The following CTNNA2 variants were observed in gnomAD, a reference collection of about 807,000 sequenced individuals.
CTNNA2 encodes catenin alpha 2, also known as catenin alpha-2.
A neutral mutation model predicts 101.0 loss-of-function variants in CTNNA2; 42 were observed. The observed-to-expected ratio is 0.42, with a 90% confidence interval of 0.32 to 0.54. CTNNA2 has a LOEUF of 0.54. Among genes scored for constraint, CTNNA2 ranks in the 20% least tolerant of loss-of-function variants. CTNNA2 has a pLI of 0.14. For synonymous variants in CTNNA2, 450 were observed against 456.4 expected (o/e 0.99, Z 0.18); for missense variants, 871 against 1,223.1 (o/e 0.71, Z 4.29).
chr2:80,166,530 A>G (rs1275706773), intron 7 of CTNNA2, among the ~76,000 whole-genome samples: 1 of 152,146 alleles, frequency 6.6e-6, no homozygotes, highest in African/African-American at 2.4e-5. Flanking sequence ...CCCATACCTT[A>G]GCTTATTCAT....
At chr2:79,792,148 G>A (rs1328944209) in intron 3 of CTNNA2, among the ~76,000 whole-genome samples, 1 of 152,102 alleles carries the variant, frequency 6.6e-6, no homozygotes, top group Admixed American at 6.5e-5. Context: ...TGACTGGTAT[G>A]TTCTCTGCTT....
At chr2:79,818,824 TATA>T (rs1558549144) in intron 3 of CTNNA2, among the ~76,000 whole-genome samples, 2,481 of 117,614 alleles carry the variant, frequency 0.021, 317 homozygotes, top group African/African-American at 0.072. Context: ...AATGCAATTA[TATA>T]TATATATATA....
chr2:79,808,297 G>C (rs1282480143), intron 3 of CTNNA2, among the ~76,000 whole-genome samples: 2 of 152,176 alleles, frequency 1.3e-5, no homozygotes, highest in African/African-American at 4.8e-5. Flanking sequence ...CTACTGGGTA[G>C]TGAGGGCCTT....
At chr2:79,783,132 T>C (rs1674581290) in intron 3 of CTNNA2, among the ~76,000 whole-genome samples, 1 of 152,222 alleles carries the variant, frequency 6.6e-6, no homozygotes, top group Non-Finnish European at 1.5e-5. Context: ...CTGTGCATGC[T>C]GATGGAGGTT....
chr2:79,263,296 C>T (rs557277522), intron 2 of CTNNA2, among the ~76,000 whole-genome samples: 2 of 152,248 alleles, frequency 1.3e-5, no homozygotes, highest in East Asian at 3.9e-4. Context: ...TGGCTTGGTG[C>T]TGTCCTCACA....
intron 4 of CTNNA2, among the ~76,000 whole-genome samples, chr2:79,458,514 T>G (rs1670847922): frequency 6.6e-6 from 1 of 152,164 alleles, no homozygotes; most frequent in Admixed American, 6.6e-5. Context: ...AACAAAATTC[T>G]TCCACTCACT....
intron 2 of CTNNA2, among the ~76,000 whole-genome samples, chr2:79,239,154 C>A (rs1252159040): frequency 6.6e-6 from 1 of 151,920 alleles, no homozygotes; most frequent in Non-Finnish European, 1.5e-5. Context: ...CTCATATAGC[C>A]AAGACAATTC....
At chr2:80,032,537 A>C (rs1695358145) in intron 7 of CTNNA2, among the ~76,000 whole-genome samples, 1 of 152,184 alleles carries the variant, frequency 6.6e-6, no homozygotes, top group South Asian at 2.1e-4. Context: ...ACACACACAC[A>C]CTCAAAATAA....
intron 3 of CTNNA2, among the ~76,000 whole-genome samples, chr2:79,335,026 C>T (rs1676963608): frequency 6.6e-6 from 1 of 152,154 alleles, no homozygotes; most frequent in Non-Finnish European, 1.5e-5. Context: ...CAACCCACAC[C>T]CATTCAGGAA....
At chr2:80,476,234 G>A (rs1685719068) in intron 9 of CTNNA2, among the ~76,000 whole-genome samples, 1 of 152,230 alleles carries the variant, frequency 6.6e-6, no homozygotes, top group African/African-American at 2.4e-5. Context: ...TCGGGCTGGA[G>A]CTTTTTGGCT....
chr2:79,720,616 T>C (rs1686417759), intron 2 of CTNNA2, among the ~76,000 whole-genome samples: 1 of 152,084 alleles, frequency 6.6e-6, no homozygotes, highest in Admixed American at 6.6e-5. Flanking sequence ...TCTTGGTTAG[T>C]TGTATTTTCA....
At chr2:79,959,323 T>C (rs1301011306) in intron 7 of CTNNA2, among the ~76,000 whole-genome samples, 2 of 152,196 alleles carry the variant, frequency 1.3e-5, no homozygotes, top group Admixed American at 1.3e-4. Flanking sequence ...CTATCAAAAA[T>C]TGATATCAGA....
At chr2:80,644,212 C>T (rs1021314815) in intron 18 of CTNNA2, among the ~76,000 whole-genome samples, 1 of 152,072 alleles carries the variant, frequency 6.6e-6, no homozygotes, top group Non-Finnish European at 1.5e-5. Context: ...GCTTCAACTT[C>T]CTCACTTATT....
At chr2:80,618,564 G>C (rs1265839728) in intron 17 of CTNNA2, 2 of 151,906 alleles carry the variant, frequency 1.3e-5, no homozygotes, top group East Asian at 3.9e-4. Context: ...TAGTCCTTCA[G>C]TGATCCCAAT....
At chr2:79,477,168 C>CTTTTTTTTTT (rs5832392) in intron 4 of CTNNA2, among the ~76,000 whole-genome samples, 91 of 123,140 alleles carry the variant, frequency 7.4e-4, no homozygotes, top group Non-Finnish European at 9.7e-4. Flanking sequence ...TCTTTTTTTT[C>CTTTTTTTTTT]TTTTTTTTTT....
At chr2:79,515,531 A>G (rs1188479020) in intron 1 of CTNNA2, among the ~76,000 whole-genome samples, 1 of 152,196 alleles carries the variant, frequency 6.6e-6, no homozygotes, top group African/African-American at 2.4e-5. Flanking sequence ...TGTGCTTAGT[A>G]TAGAAACACA....
chr2:79,801,152 T>A (rs188149983), intron 3 of CTNNA2, among the ~76,000 whole-genome samples: 1 of 152,294 alleles, frequency 6.6e-6, no homozygotes, highest in East Asian at 1.9e-4. Flanking sequence ...TGAATTGTTT[T>A]CAAAAACGTT....
chr2:79,457,462 A>T (rs918102407), intron 4 of CTNNA2, among the ~76,000 whole-genome samples: 3 of 152,220 alleles, frequency 2.0e-5, no homozygotes, highest in African/African-American at 7.2e-5. Context: ...ACATGAAAGG[A>T]AAATGATTAT....
intron 1 of CTNNA2, among the ~76,000 whole-genome samples, chr2:79,519,301 T>C (rs990207396): frequency 2.8e-4 from 43 of 151,978 alleles, no homozygotes; most frequent in African/African-American, 1.0e-3. Flanking sequence ...ACTGCACTTA[T>C]GCCTTTCATG....
Sources: gnomAD v4.1 joint callset for allele counts (sites outside exome capture counted in the v4.1 genomes callset) on GRCh38, gnomAD v4.1.1 for gene constraint, MANE v1.5 for transcripts, NCBI Gene and HGNC (gene_info 2026-07-23, HGNC 2026-07-21) for gene names.